The following HPSE2 variants were observed in gnomAD, a reference collection of about 807,000 sequenced individuals.
HPSE2 encodes the protein heparanase 2 (inactive).
A neutral mutation model predicts 60.5 loss-of-function variants in HPSE2; 38 were observed. The observed-to-expected ratio is 0.63, with a 90% CI of 0.48 to 0.82. HPSE2 has a LOEUF of 0.82. Among genes scored for constraint, HPSE2 ranks in the 40% least tolerant of loss-of-function variants. The pLI, the probability that HPSE2 is intolerant of heterozygous loss-of-function variation, is 0.00. For missense variants in HPSE2, 713 were observed against 740.4 expected (o/e 0.96, Z 0.43); for synonymous variants, 295 against 293.2 (o/e 1.01, Z -0.06).
chr10:99,246,351 G>A, the HPSE2 span, among the ~76,000 whole-genome samples: 1 of 152,218 alleles, frequency 6.6e-6, no homozygotes, highest in Non-Finnish European at 1.5e-5. Flanking sequence ...AAACCTCACA[G>A]TGTACCTGGA....
At chr10:99,254,749 T>C in the HPSE2 span, among the ~76,000 whole-genome samples, 3 of 152,162 alleles carry the variant, frequency 2.0e-5, no homozygotes, top group Admixed American at 1.3e-4. Flanking sequence ...AGAAATGGAG[T>C]ACTAATATAA....
chr10:98,706,676 A>C (rs953422765), intron 5 of HPSE2, among the ~76,000 whole-genome samples: 1 of 152,320 alleles, frequency 6.6e-6, no homozygotes, highest in African/African-American at 2.4e-5. Flanking sequence ...CAGGAGGAGC[A>C]GCCCAGGCAA....
intron 3 of HPSE2, among the ~76,000 whole-genome samples, chr10:98,943,741 A>G (rs1955095167): frequency 6.6e-6 from 1 of 152,198 alleles, no homozygotes; most frequent in Non-Finnish European, 1.5e-5. Context: ...AACTAAAGCC[A>G]TTGACCAACA....
intron 9 of HPSE2, among the ~76,000 whole-genome samples, chr10:98,573,545 C>A (rs1482666831): frequency 6.6e-6 from 1 of 152,170 alleles, no homozygotes. Flanking sequence ...TCTAAAAGCA[C>A]AGGTGAAATG....
intron 4 of HPSE2, among the ~76,000 whole-genome samples, chr10:98,739,674 T>C (rs1285149614): frequency 6.6e-6 from 1 of 152,164 alleles, no homozygotes; most frequent in Non-Finnish European, 1.5e-5. Context: ...ATATAACTAA[T>C]TCTTATAAAA....
Position 99,198,580 on chromosome 10 carries a change from A to T in HPSE2, c.448+33768T>A, listed in dbSNP as rs199876590. Among the ~76,000 whole-genome samples, 8 of 152,314 alleles carry T rather than the reference A, an allele frequency of 5.3e-5. No homozygotes were observed. The East Asian group carries it at 1.3e-3, about 26-fold the overall frequency. On this transcript the variant is annotated intron_variant, in intron 2 of 11. Coordinates refer to ENST00000370552, the MANE Select transcript of HPSE2 (RefSeq NM_021828.5). Reference sequence around the variant, plus strand: ...TTATTGAAATGGCAAATCACTACTCATGACCTAACTATAGGTAAGACTCAT... The same window carrying T: ...TTATTGAAATGGCAAATCACTACTCTTGACCTAACTATAGGTAAGACTCAT...
At chr10:99,214,337 T>C (rs1849046684) in intron 2 of HPSE2, among the ~76,000 whole-genome samples, 2 of 152,220 alleles carry the variant, frequency 1.3e-5, no homozygotes, top group South Asian at 4.1e-4. Flanking sequence ...TGACCCAGCA[T>C]ATATTCCTAC....
intron 3 of HPSE2, among the ~76,000 whole-genome samples, chr10:98,834,248 G>T (rs1018439914): frequency 6.6e-6 from 1 of 152,036 alleles, no homozygotes; most frequent in Admixed American, 6.6e-5. Context: ...AATGATAACT[G>T]CAATTGATTG....
At chr10:98,461,710 C>A (rs1940296949) in intron 11 of HPSE2, 3 of 1,349,294 alleles carry the variant, frequency 2.2e-6, no homozygotes, top group African/African-American at 1.5e-5. Flanking sequence ...TGCTAGAAAA[C>A]CTTCAATGGT....
chr10:98,551,810 G>T (rs1270497716), intron 9 of HPSE2, among the ~76,000 whole-genome samples: 5 of 151,988 alleles, frequency 3.3e-5, no homozygotes, highest in Non-Finnish European at 7.4e-5. Flanking sequence ...TATCCTAATT[G>T]ATACAGCACT....
At chr10:98,537,463 C>A (rs1943319185) in intron 9 of HPSE2, among the ~76,000 whole-genome samples, 1 of 152,088 alleles carries the variant, frequency 6.6e-6, no homozygotes, top group African/African-American at 2.4e-5. Flanking sequence ...TAGAGATGAC[C>A]ATGAACAATT....
intron 2 of HPSE2, among the ~76,000 whole-genome samples, chr10:99,231,997 A>C (rs1849658862): frequency 6.6e-6 from 1 of 152,222 alleles, no homozygotes; most frequent in African/African-American, 2.4e-5. Context: ...CCGCAGGAAC[A>C]GCCTGTTAAG....
intron 2 of HPSE2, among the ~76,000 whole-genome samples, chr10:99,214,168 C>T (rs1338933271): frequency 1.3e-5 from 2 of 152,148 alleles, no homozygotes; most frequent in African/African-American, 2.4e-5. Flanking sequence ...CCATTTCACA[C>T]CTACTAGGAT....
chr10:98,492,510 C>CAAAAAAAA (rs10645866), intron 9 of HPSE2, among the ~76,000 whole-genome samples: 23 of 112,132 alleles, frequency 2.1e-4, no homozygotes, highest in Admixed American at 2.8e-4. Flanking sequence ...TCAAAAAAGA[C>CAAAAAAAA]AAAAAAAAAA....
At chr10:99,074,686 A>T (rs1157474442) in intron 3 of HPSE2, among the ~76,000 whole-genome samples, 5 of 152,070 alleles carry the variant, frequency 3.3e-5, no homozygotes, top group Non-Finnish European at 7.4e-5. Flanking sequence ...ACCTAGCACT[A>T]GGCTTTTTGT....
intron 3 of HPSE2, among the ~76,000 whole-genome samples, chr10:99,056,992 C>T (rs1027652290): frequency 7.9e-5 from 12 of 151,908 alleles, no homozygotes; most frequent in African/African-American, 9.7e-5. Flanking sequence ...CAAAAGAGTA[C>T]GTATGAAGTA....
intron 3 of HPSE2, among the ~76,000 whole-genome samples, chr10:99,046,929 T>C (rs183502411): frequency 6.6e-6 from 1 of 152,234 alleles, no homozygotes; most frequent in East Asian, 1.9e-4. Flanking sequence ...CCTATCAAAC[T>C]ACCAGCATCA....
At chr10:99,035,186 G>A (rs1957582797) in intron 3 of HPSE2, among the ~76,000 whole-genome samples, 1 of 152,262 alleles carries the variant, frequency 6.6e-6, no homozygotes, top group East Asian at 1.9e-4. Flanking sequence ...GGACGCTTTT[G>A]TAATAGCACT....
At chr10:99,155,310 GCACCA>G (rs1446792951) in intron 2 of HPSE2, among the ~76,000 whole-genome samples, 15 of 126,298 alleles carry the variant, frequency 1.2e-4, no homozygotes, top group Admixed American at 4.6e-4. Context: ...ATTTTTTTCA[GCACCA>G]CACCACACCT....
Sources: gnomAD v4.1 joint callset for allele counts (sites outside exome capture counted in the v4.1 genomes callset) on GRCh38, gnomAD v4.1.1 for gene constraint, MANE v1.5 for transcripts, NCBI Gene and HGNC (gene_info 2026-07-23, HGNC 2026-07-21) for gene names.